The following UBQLN4 variants were observed in gnomAD, a reference collection of about 807,000 sequenced individuals.
UBQLN4 encodes the protein ubiquilin-4.
Under a neutral mutation model 60.4 loss-of-function variants are expected in UBQLN4, and 11 were observed. The observed-to-expected ratio is 0.18, with a 90% CI of 0.11 to 0.30. The LOEUF (loss-of-function observed/expected upper bound fraction) is 0.30, where lower values mean the gene tolerates loss of function less well. Ranked by LOEUF, UBQLN4 falls within the 10% of genes least tolerant of loss-of-function variation. UBQLN4 has a pLI of 1.00. For missense variants in UBQLN4, 417 were observed against 795.5 expected (o/e 0.52, Z 5.72); for synonymous variants, 258 against 313.1 (o/e 0.82, Z 1.86).
intron 1 of UBQLN4, among the ~76,000 whole-genome samples, chr1:156,052,718 A>G (rs1683905974): frequency 6.6e-6 from 1 of 152,238 alleles, no homozygotes; most frequent in African/African-American, 2.4e-5. Flanking sequence ...ACCAAAGTCC[A>G]GGCTCTTAAC....
At chr1:156,035,274 C>T, downstream of UBQLN4, 1 of 985,338 alleles carries the variant, frequency 1.0e-6, no homozygotes, top group African/African-American at 1.7e-5. Flanking sequence ...CAGCTTCTTC[C>T]TCAAAAAAAC....
At chr1:156,045,795 G>A (rs1683682534) in intron 5 of UBQLN4, among the ~76,000 whole-genome samples, 1 of 151,940 alleles carries the variant, frequency 6.6e-6, no homozygotes. Context: ...AGTTTTGTTT[G>A]TTTTGGAAAA....
intron 5 of UBQLN4, among the ~76,000 whole-genome samples, chr1:156,047,459 G>T (rs937270468): frequency 1.3e-5 from 2 of 151,104 alleles, no homozygotes; most frequent in Admixed American, 6.6e-5. Context: ...TAGCCAGGAT[G>T]GTCTCGATCT....
chr1:156,051,456 G>A lies in UBQLN4; in HGVS notation c.261-129C>T, dbSNP rs1455033336. ...CCCCTCCTGAGCAGTCCTGAGGCTGGAGTGGGGTGATGGCGGGAGGGCAGT... is the reference window on the plus strand; with the variant it reads ...CCCCTCCTGAGCAGTCCTGAGGCTGAAGTGGGGTGATGGCGGGAGGGCAGT... On this transcript the variant is annotated intron_variant, in intron 2 of 10. Coordinates refer to ENST00000368309, the MANE Select transcript of UBQLN4 (RefSeq NM_020131.5). 20 of 1,259,906 alleles carry A rather than the reference G, an allele frequency of 1.6e-5. No homozygotes were observed. In the Admixed American group the frequency reaches 3.8e-4, roughly 24 times the overall value. 78.0% of individuals were successfully genotyped at this position (1,259,906 alleles called of 1,614,324 possible). A position where few individuals can be genotyped will look rare whatever the true frequency, so the allele number is the denominator to read the frequency against.
chr1:156,032,228 T>A (rs1189904123), downstream of UBQLN4, among the ~76,000 whole-genome samples: 1 of 151,916 alleles, frequency 6.6e-6, no homozygotes, highest in Non-Finnish European at 1.5e-5. Flanking sequence ...GGTCTTGAAC[T>A]CCTGACCTCG....
intron 10 of UBQLN4, among the ~76,000 whole-genome samples, chr1:156,040,835 A>G (rs1683543691): frequency 6.6e-6 from 1 of 152,168 alleles, no homozygotes; most frequent in Non-Finnish European, 1.5e-5. Flanking sequence ...AGCTGGGTAA[A>G]CATACATTTT....
intron 6 of UBQLN4, among the ~76,000 whole-genome samples, chr1:156,043,492 A>G (rs1488934730): frequency 6.6e-6 from 1 of 152,198 alleles, no homozygotes; most frequent in African/African-American, 2.4e-5. Flanking sequence ...TTCCCAATCA[A>G]GATATCCCCC....
chr1:156,047,914 G>C (rs1355309722), intron 5 of UBQLN4, among the ~76,000 whole-genome samples: 1 of 146,422 alleles, frequency 6.8e-6, no homozygotes, highest in Non-Finnish European at 1.5e-5. Flanking sequence ...AAAAAAGAAA[G>C]AAAGAAAGAA....
At chr1:156,032,017 G>GATTGTTCAAATATGAACAAGCAGC (rs1683306637), downstream of UBQLN4, among the ~76,000 whole-genome samples, 1 of 151,850 alleles carries the variant, frequency 6.6e-6, no homozygotes, top group South Asian at 2.1e-4. Context: ...GAACAAGCAG[G>GATTGTTCAAATATGAACAAGCAGC]ATTTCTAGAG....
chr1:156,042,993 C>T, intron 6 of UBQLN4, 80 bp from the exon 7 acceptor site: 1 of 1,523,070 alleles, frequency 6.6e-7, no homozygotes, highest in Non-Finnish European at 8.9e-7. Context: ...ATCTACCTTA[C>T]TTCAGACACC....
downstream of UBQLN4, among the ~76,000 whole-genome samples, chr1:156,031,340 A>C (rs1013635853): frequency 6.6e-6 from 1 of 152,216 alleles, no homozygotes; most frequent in Non-Finnish European, 1.5e-5. Flanking sequence ...CCTATAAGGC[A>C]GGTGCTACTA....
chr1:156,041,515 G>C lies in UBQLN4; in HGVS notation c.1623C>G (p.Ile541Met). The stretch of plus-strand genomic sequence containing the variant: ...AGTTTCCACTTCCAGCCAAAAGCTG[G>C]ATCATCTGCTGCATGAGTTGCTGCT... Reference protein sequence around the residue: ...SAQQQLMQQMIQLLAGSGNSQ... With the variant: ...SAQQQLMQQMMQLLAGSGNSQ... The change falls in exon 10 of 11, where the codon ATC becomes ATG. Residue 541 changes from isoleucine (I) to methionine (M), a missense_variant. Transcript: ENST00000368309. 3.7e-6 allele frequency: 6 copies of C among 1,608,824 alleles called. No individual in the cohort carries two copies. Among genetic ancestry groups the C allele is most frequent in the Non-Finnish European group, 5.1e-6 (6 of 1,178,220 alleles).
Position 156,050,340 on chromosome 1 carries a change from C to T in UBQLN4, c.692G>A (p.Arg231Gln), listed in dbSNP as rs779168949. ...ANPQMQQLME[R>Q]NPEISHMLNN... ...GAGCATGTGGCTGATCTCAGGGTTCCGCTCCATCAACTGCTGCATCTGGGG... is the reference window on the plus strand; with the variant it reads ...GAGCATGTGGCTGATCTCAGGGTTCTGCTCCATCAACTGCTGCATCTGGGG... Residue 231 changes from arginine (R) to glutamine (Q), a missense_variant, in exon 4 of 11, where the codon CGG becomes CAG. Coordinates refer to ENST00000368309, the MANE Select transcript of UBQLN4 (RefSeq NM_020131.5). This position sits in a 1 kb window ranked among gnomAD's most constrained non-coding sequence, Gnocchi z 4.6. 2.5e-6 allele frequency: 4 copies of T among 1,608,964 alleles called. No individual in the cohort carries two copies. The South Asian group carries it at 3.3e-5, about 13-fold the overall frequency.
intron 8 of UBQLN4, 33 bp from the exon 9 acceptor site, chr1:156,042,020 A>C: frequency 6.2e-7 from 1 of 1,613,558 alleles, no homozygotes; most frequent in South Asian, 1.1e-5. Flanking sequence ...AGGCATCAAG[A>C]GGTGGCAGGA....
chr1:156,042,073 C>T, intron 8 of UBQLN4, 80 bp downstream of exon 8: 1 of 1,609,708 alleles, frequency 6.2e-7, no homozygotes, highest in South Asian at 1.1e-5. Context: ...TCAAGCTCTG[C>T]CCCAACTTCA....
In UBQLN4 at chr1:156,053,676, G is replaced by C. The variant is rs764069060; in HGVS notation, c.26C>G (p.Thr9Arg). The C allele has an allele frequency of 3.8e-6, 5 of 1,331,822 alleles. No individual in the cohort carries two copies. Among genetic ancestry groups the C allele is most frequent in the Non-Finnish European group, 4.8e-6 (5 of 1,034,280 alleles). 82.5% of individuals were successfully genotyped at this position (1,331,822 alleles called of 1,614,324 possible). A position where few individuals can be genotyped will look rare whatever the true frequency, so the allele number is the denominator to read the frequency against. The change falls in exon 1 of 11, where the codon ACG becomes AGG. Residue 9 changes from threonine (T) to arginine (R), a missense_variant. By Grantham distance (71) the Thr-to-Arg change is moderately conservative (BLOSUM62 -1). Transcript: ENST00000368309. ...GACGGTGACCCGAATGGGGGGCCTC[G>C]TCTCGGCCCCGCTCGGCTCCGCCAT... is the stretch of plus-strand genomic sequence containing the variant. MAEPSGAE[T>R]RPPIRVTVKT... is the part of the protein sequence containing the mutation.
chr1:156,037,982 C>G (rs1177866984), intron 10 of UBQLN4, among the ~76,000 whole-genome samples: 1 of 152,228 alleles, frequency 6.6e-6, no homozygotes, highest in African/African-American at 2.4e-5. Context: ...TCATAGCTCA[C>G]TGCAGCCTCT....
In UBQLN4 at chr1:156,050,350, A is replaced by G; in HGVS notation, c.682T>C (p.Leu228=). 1.2e-6 allele frequency: 2 copies of G among 1,611,652 alleles called. No homozygotes were observed. Among genetic ancestry groups the G allele is most frequent in the East Asian group, 4.5e-5 (2 of 44,816 alleles). The change falls in exon 4 of 11, where the codon TTG becomes CTG. Residue 228 remains leucine, a synonymous_variant. Transcript: ENST00000368309. This position sits in a 1 kb window ranked among gnomAD's most constrained non-coding sequence, Gnocchi z 4.6. ...CTGATCTCAGGGTTCCGCTCCATCA[A>G]CTGCTGCATCTGGGGGTTGGCCATA... is the stretch of plus-strand genomic sequence containing the variant. The part of the protein sequence containing the change: ...MIMANPQMQQ[L]MERNPEISHM...
chr1:156,042,465 T>C, intron 7 of UBQLN4: 2 of 1,379,776 alleles, frequency 1.4e-6, no homozygotes, highest in South Asian at 3.4e-5. Context: ...GGTCTGATGA[T>C]GATGAGGACA....
Sources: allele counts gnomAD v4.1 joint callset (sites outside exome capture counted in the v4.1 genomes callset), GRCh38; gene constraint gnomAD v4.1.1; non-coding constraint Gnocchi (gnomAD v3.1); transcripts MANE v1.5; gene names NCBI Gene and HGNC (gene_info 2026-07-23, HGNC 2026-07-21).